The following OR6N1 variants were observed in gnomAD, a reference collection of about 807,000 sequenced individuals.
OR6N1 encodes the protein olfactory receptor family 6 subfamily N member 1, also known as olfactory receptor 6N1.
For missense variants in OR6N1, 394 were observed against 371.7 expected, an observed-to-expected ratio of 1.06 and a Z score of -0.49; for synonymous variants, 170 against 150.7, an observed-to-expected ratio of 1.13 and a Z score of -0.94.
the OR6N1 span, among the ~76,000 whole-genome samples, chr1:158,839,013 TAAC>T: frequency 3.3e-5 from 5 of 152,310 alleles, no homozygotes; most frequent in African/African-American, 1.2e-4. Context: ...TATTTTCCTT[TAAC>T]TCATTTATCA....
At chr1:158,784,726 T>A in the OR6N1 span, among the ~76,000 whole-genome samples, 1 of 152,230 alleles carries the variant, frequency 6.6e-6, no homozygotes, top group African/African-American at 2.4e-5. Context: ...TCTCGGTTCA[T>A]TCATGTTGCC....
the OR6N1 span, among the ~76,000 whole-genome samples, chr1:158,823,787 C>T: frequency 2.0e-5 from 3 of 151,842 alleles, no homozygotes; most frequent in Admixed American, 6.6e-5. Context: ...TCTCTAGTTC[C>T]TTTAGTTTTG....
At chr1:158,783,027 A>G in the OR6N1 span, among the ~76,000 whole-genome samples, 5 of 152,226 alleles carry the variant, frequency 3.3e-5, no homozygotes, top group Non-Finnish European at 7.3e-5. Flanking sequence ...ACATTAATTG[A>G]CAACGTTCCC....
At chr1:158,772,638 C>A (rs1428962975), upstream of OR6N1, among the ~76,000 whole-genome samples, 2 of 152,178 alleles carry the variant, frequency 1.3e-5, no homozygotes, top group Admixed American at 6.5e-5. Flanking sequence ...GACTCCTAAT[C>A]TTGTCTGTTG....
the OR6N1 span, among the ~76,000 whole-genome samples, chr1:158,792,225 T>C: frequency 2.6e-5 from 4 of 152,220 alleles, no homozygotes. Flanking sequence ...CCTTCTCCCT[T>C]TTAGTTTCCC....
At chr1:158,821,325 C>T in the OR6N1 span, among the ~76,000 whole-genome samples, 4 of 152,312 alleles carry the variant, frequency 2.6e-5, 1 homozygote, top group South Asian at 4.1e-4. Flanking sequence ...CACACTTTTA[C>T]TACCCAGTCT....
Position 158,766,191 on chromosome 1 carries a change from T to A in OR6N1, c.492A>T (p.Ser164=). ...GATTGGGGCCACAGAATGGGAGGCG[T>A]GAAATCAAGGAAATTTCAACTACTG... The part of the protein sequence containing the change: ...AGPVVEISLI[S]RLPFCGPNRI... The change falls in exon 2 of 2, where the codon TCA becomes TCT. Residue 164 remains serine (S), a synonymous_variant. Transcript: ENST00000641846. 6.2e-7 allele frequency: 1 copy of A among 1,614,054 alleles called. No homozygotes were observed. The highest frequency in any genetic ancestry group is 1.1e-5 in the South Asian group (1 of 91,080).
chr1:158,779,193 T>C, the OR6N1 span, among the ~76,000 whole-genome samples: 1 of 152,122 alleles, frequency 6.6e-6, no homozygotes, highest in Non-Finnish European at 1.5e-5. Context: ...AAGCAAAATG[T>C]GTAACAGATG....
At chr1:158,776,877 C>A (rs774947369), upstream of OR6N1, 1 of 1,614,060 alleles carries the variant, frequency 6.2e-7, no homozygotes, top group South Asian at 1.1e-5. Flanking sequence ...AGATGATGCT[C>A]CCAAAGAAGA....
the OR6N1 span, among the ~76,000 whole-genome samples, chr1:158,807,003 C>CAAAAAAA: frequency 1.4e-5 from 1 of 72,904 alleles, no homozygotes; most frequent in Non-Finnish European, 2.6e-5. Context: ...GACGTCATCT[C>CAAAAAAA]AAAAAAAAAA....
At chr1:158,778,889 GCA>G in the OR6N1 span, among the ~76,000 whole-genome samples, 1 of 151,894 alleles carries the variant, frequency 6.6e-6, no homozygotes, top group African/African-American at 2.4e-5. Flanking sequence ...GTGGTGGCGG[GCA>G]CCTGCAGTTC....
chr1:158,779,017 T>TCAAAAAAAAAAA, the OR6N1 span, among the ~76,000 whole-genome samples: 1 of 19,482 alleles, frequency 5.1e-5, no homozygotes, highest in Non-Finnish European at 8.6e-5. Flanking sequence ...AGACTGCGTC[T>TCAAAAAAAAAAA]CAAAAAAAAA....
chr1:158,823,558 C>T, the OR6N1 span, among the ~76,000 whole-genome samples: 2 of 151,792 alleles, frequency 1.3e-5, no homozygotes, highest in Non-Finnish European at 2.9e-5. Context: ...GATTATGGCA[C>T]CTTTGGCATT....
chr1:158,823,838 G>A, the OR6N1 span, among the ~76,000 whole-genome samples: 2 of 152,036 alleles, frequency 1.3e-5, no homozygotes, highest in Admixed American at 1.3e-4. Context: ...CTTTTGATGA[G>A]GGCATTTAGT....
At chr1:158,775,880 A>T (rs913885792), upstream of OR6N1, 6 of 152,218 alleles carry the variant, frequency 3.9e-5, no homozygotes, top group African/African-American at 1.2e-4. Context: ...AAATTTTAAG[A>T]AATCAATTTT....
chr1:158,770,732 T>C (rs985451260), intron 1 of OR6N1, among the ~76,000 whole-genome samples: 6 of 152,240 alleles, frequency 3.9e-5, no homozygotes, highest in African/African-American at 1.2e-4. Flanking sequence ...TTTGTACTTA[T>C]GTTTCTAATT....
At chr1:158,771,030 T>C (rs1384661312) in intron 1 of OR6N1, among the ~76,000 whole-genome samples, 1 of 152,244 alleles carries the variant, frequency 6.6e-6, no homozygotes, top group Non-Finnish European at 1.5e-5. Flanking sequence ...AATTTCAATG[T>C]TTGCCAAGTG....
chr1:158,806,975 C>T, the OR6N1 span, among the ~76,000 whole-genome samples: 1 of 137,324 alleles, frequency 7.3e-6, no homozygotes, highest in Admixed American at 8.1e-5. Flanking sequence ...TGCACTCCAG[C>T]CTGGGGGACA....
rs1657187422 is a variant in OR6N1 at position 158,764,338 on chromosome 1, T to G, written c.*1406A>C. 1 of 151,268 alleles carries G rather than the reference T, an allele frequency of 6.6e-6. No individual in the cohort carries two copies. Among genetic ancestry groups the G allele is most frequent in the Admixed American group, 6.6e-5 (1 of 15,210 alleles). 9.4% of individuals were successfully genotyped at this position (151,268 alleles called of 1,614,324 possible). On this transcript the variant is annotated 3_prime_UTR_variant, in exon 2 of 2. Coordinates refer to ENST00000641846, the MANE Select transcript of OR6N1 (RefSeq NM_001005185.2). ...GAATGCATGTTTATCTTAATACTACTTCCCACAATTATAATTAATTATAAC... is the reference window on the plus strand; with the variant it reads ...GAATGCATGTTTATCTTAATACTACGTCCCACAATTATAATTAATTATAAC...
Sources: allele counts gnomAD v4.1 joint callset (sites outside exome capture counted in the v4.1 genomes callset), GRCh38; gene constraint gnomAD v4.1.1; transcripts MANE v1.5; gene names NCBI Gene and HGNC (gene_info 2026-07-23, HGNC 2026-07-21).